The following PRIM2 variants were observed in gnomAD, a reference collection of about 807,000 sequenced individuals.
PRIM2 encodes DNA primase subunit 2, also known as DNA primase large subunit.
A neutral mutation model predicts 67.3 loss-of-function variants in PRIM2; 39 were observed. The observed-to-expected ratio is 0.58, with a 90% CI of 0.45 to 0.76. The LOEUF (loss-of-function observed/expected upper bound fraction) is 0.76. PRIM2 is among the 30% of genes least tolerant of loss of function. The pLI, the probability that PRIM2 is intolerant of heterozygous loss-of-function variation, is 0.00. For synonymous variants in PRIM2, 143 were observed against 198.7 expected, an observed-to-expected ratio of 0.72 and a Z score of 2.36; for missense variants, 398 against 598.7, an observed-to-expected ratio of 0.66 and a Z score of 3.50.
intron 10 of PRIM2, among the ~76,000 whole-genome samples, chr6:57,544,251 G>A (rs1307164907): frequency 8.6e-5 from 13 of 151,816 alleles, no homozygotes; most frequent in Admixed American, 4.6e-4. Flanking sequence ...GTCTCTGGTC[G>A]GAGAGGAGAT....
intron 4 of PRIM2, among the ~76,000 whole-genome samples, chr6:57,325,559 G>A (rs1186634065): frequency 6.6e-6 from 1 of 152,124 alleles, no homozygotes; most frequent in Non-Finnish European, 1.5e-5. Flanking sequence ...CTCCCAAGGT[G>A]CTGGGATTAC....
chr6:57,352,789 GCACTGTACTATAATATATATAC>G (rs1768900338), intron 5 of PRIM2, among the ~76,000 whole-genome samples: 1 of 151,780 alleles, frequency 6.6e-6, no homozygotes, highest in African/African-American at 2.4e-5. Context: ...GGGAGCCAAA[GCACTGTACTATAATATATATAC>G]CAGTCCATTC....
intron 7 of PRIM2, among the ~76,000 whole-genome samples, chr6:57,491,890 G>C (rs2127410332): frequency 6.6e-6 from 1 of 152,258 alleles, no homozygotes; most frequent in Non-Finnish European, 1.5e-5. Context: ...ATTTGTATAA[G>C]ATGCCAATTC....
intron 10 of PRIM2, among the ~76,000 whole-genome samples, chr6:57,576,589 T>G (rs1471045622): frequency 2.0e-5 from 3 of 151,682 alleles, no homozygotes; most frequent in Admixed American, 6.6e-5. Flanking sequence ...ATTCTGATCC[T>G]TTATCGTCAT....
chr6:57,540,770 T>A (rs1418477567), intron 10 of PRIM2, among the ~76,000 whole-genome samples: 2 of 152,200 alleles, frequency 1.3e-5, no homozygotes, highest in East Asian at 3.9e-4. Flanking sequence ...AGATGCAGTA[T>A]TATAACCTAC....
the PRIM2 span, among the ~76,000 whole-genome samples, chr6:57,253,390 T>C: frequency 2.6e-5 from 4 of 152,318 alleles, no homozygotes; most frequent in East Asian, 3.9e-4. Flanking sequence ...AAGTTTATAC[T>C]AAATTCAGAA....
chr6:57,521,382 T>TTTTG (rs1554348905), intron 8 of PRIM2, among the ~76,000 whole-genome samples: 27 of 147,372 alleles, frequency 1.8e-4, no homozygotes, highest in African/African-American at 6.8e-4. Context: ...TTTTTTTTTT[T>TTTTG]TTTTTTTTTT....
chr6:57,429,044 C>G (rs1446935763), intron 7 of PRIM2, among the ~76,000 whole-genome samples: 2 of 152,140 alleles, frequency 1.3e-5, no homozygotes, highest in African/African-American at 4.8e-5. Context: ...CCTTGGCAAC[C>G]ATAATCTGTT....
Position 57,642,162 on chromosome 6 carries a change from T to C in PRIM2, c.1300-3766T>C, listed in dbSNP as rs1398250232. On this transcript the variant is annotated intron_variant, in intron 13 of 13. Transcript: ENST00000615550. Reference sequence around the variant, plus strand: ...ACCAAACACTGCATGTTCTCACTCATAAGTGGGAGTTGAACAATGAGAACA... The same window carrying C: ...ACCAAACACTGCATGTTCTCACTCACAAGTGGGAGTTGAACAATGAGAACA... Among the ~76,000 whole-genome samples, 5 of 152,066 alleles carry C rather than the reference T, an allele frequency of 3.3e-5. No homozygotes were observed. The East Asian group carries it at 9.7e-4, about 30-fold the overall frequency.
chr6:57,497,565 C>T (rs1774032271), intron 7 of PRIM2: 1 of 152,180 alleles, frequency 6.6e-6, no homozygotes, highest in Non-Finnish European at 1.5e-5. Context: ...ATCTTGTTAA[C>T]TCTGCACTGT....
At chr6:57,300,763 C>G in the PRIM2 span, among the ~76,000 whole-genome samples, 1 of 152,122 alleles carries the variant, frequency 6.6e-6, no homozygotes, top group African/African-American at 2.4e-5. Context: ...TGGCTCACAC[C>G]TGTAATCCCA....
At chr6:57,535,023 A>G (rs1347668935) in intron 9 of PRIM2, among the ~76,000 whole-genome samples, 1 of 152,190 alleles carries the variant, frequency 6.6e-6, no homozygotes, top group Non-Finnish European at 1.5e-5. Flanking sequence ...CCTATTAAAA[A>G]TAAGCTCTTC....
Position 57,537,494 on chromosome 6 carries a change from G to A in PRIM2, c.889G>A (p.Glu297Lys). ...CMRQLHKALR[E>K]NHHLRHGGRM... ...GCGTCAGTTACATAAAGCCTTGCGG[G>A]AAAATCACCATCTTCGTCATGGAGG... is the stretch of plus-strand genomic sequence containing the variant. The change falls in exon 10 of 14, where the codon GAA (glutamate) becomes AAA (lysine). Residue 297 changes from glutamate to lysine, a missense_variant. Physicochemically the swap from Glu to Lys is moderately conservative, Grantham distance 56 (BLOSUM62 1). This residue lies in a region of PRIM2 where 229 missense variants were observed against 383.6 expected (regional missense o/e 0.60). Coordinates refer to ENST00000615550, the MANE Select transcript of PRIM2 (RefSeq NM_000947.5). The A allele has an allele frequency of 6.5e-7, 1 of 1,544,314 alleles. No individual in the cohort carries two copies. Among genetic ancestry groups the A allele is most frequent in the Non-Finnish European group, 8.9e-7 (1 of 1,122,662 alleles).
chr6:57,574,855 T>G (rs1775933525), intron 10 of PRIM2, among the ~76,000 whole-genome samples: 1 of 151,830 alleles, frequency 6.6e-6, no homozygotes, highest in East Asian at 1.9e-4. Context: ...AAGTTGCTGT[T>G]AATATAGATC....
At chr6:57,308,496 C>A in the PRIM2 span, among the ~76,000 whole-genome samples, 1 of 152,122 alleles carries the variant, frequency 6.6e-6, no homozygotes, top group East Asian at 1.9e-4. Flanking sequence ...TGTTCTTGTT[C>A]ATGTTTTTTG....
At chr6:57,357,596 CTT>C (rs34636141) in intron 5 of PRIM2, among the ~76,000 whole-genome samples, 22 of 136,800 alleles carry the variant, frequency 1.6e-4, no homozygotes, top group Admixed American at 2.9e-4. Context: ...TCCTCTGTGG[CTT>C]TTTTTTTTTT....
chr6:57,515,800 CCATTTATTATCTCA>C, intron 8 of PRIM2, among the ~76,000 whole-genome samples: 1 of 152,158 alleles, frequency 6.6e-6, no homozygotes, highest in East Asian at 1.9e-4. Context: ...AAAACAATCC[CCATTTATTATCTCA>C]CAGTCTGTAG....
chr6:57,462,076 G>A (rs1773026092), intron 7 of PRIM2, among the ~76,000 whole-genome samples: 1 of 152,210 alleles, frequency 6.6e-6, no homozygotes. Flanking sequence ...CATGTTGGTT[G>A]TCTTTATGAT....
chr6:57,308,243 C>A, the PRIM2 span, among the ~76,000 whole-genome samples: 6 of 152,010 alleles, frequency 3.9e-5, no homozygotes, highest in Non-Finnish European at 8.8e-5. Flanking sequence ...CCACCTCAGC[C>A]CCCAGAGTAG....
Sources: allele counts gnomAD v4.1 joint callset (sites outside exome capture counted in the v4.1 genomes callset), GRCh38; gene constraint gnomAD v4.1.1; regional missense constraint gnomAD v4.1.1; transcripts MANE v1.5; gene names NCBI Gene and HGNC (gene_info 2026-07-23, HGNC 2026-07-21).